ASAH1: variants seen among roughly 807,000 people sequenced by gnomAD.
ASAH1 encodes acid ceramidase.
ASAH1 carries 70 observed loss-of-function variants against 59.5 expected under a neutral mutation model. That is an observed-to-expected ratio of 1.18 (90% confidence interval 0.97 to 1.43). The LOEUF (loss-of-function observed/expected upper bound fraction) is 1.43. Among genes scored for constraint, ASAH1 ranks in the 40% most tolerant of loss-of-function variants. ASAH1 has a pLI of 0.00. For missense variants in ASAH1, 660 were observed against 482.5 expected, an observed-to-expected ratio of 1.37 and a Z score of -3.45; for synonymous variants, 213 against 166.5, an observed-to-expected ratio of 1.28 and a Z score of -2.15.
chr8:18,084,627 T>G (rs369006151), upstream of ASAH1: 1 of 1,609,382 alleles, frequency 6.2e-7, no homozygotes, highest in Non-Finnish European at 8.5e-7. Flanking sequence ...GGCCGAGGAG[T>G]GAGAGAGAAT....
intron 6 of ASAH1, 37 bp from the exon 7 acceptor site, chr8:18,063,267 G>GTTAAGATTCTAAATCAAAGCTGGACAA (rs1337758094): frequency 6.5e-7 from 1 of 1,534,908 alleles, no homozygotes; most frequent in Admixed American, 1.7e-5. Context: ...TGTAATAGCA[G>GTTAAGATTCTAAATCAAAGCTGGACAA]TTAAGATTCT....
intron 2 of ASAH1, among the ~76,000 whole-genome samples, chr8:18,073,448 C>G (rs1800258503): frequency 6.6e-6 from 1 of 152,208 alleles, no homozygotes; most frequent in East Asian, 1.9e-4. Flanking sequence ...GCAACATCAC[C>G]TGAACCCACA....
upstream of ASAH1, chr8:18,084,194 G>A (rs1800792686): frequency 1.3e-6 from 2 of 1,528,596 alleles, no homozygotes; most frequent in Non-Finnish European, 8.7e-7. Context: ...TAGGGGGAAC[G>A]CTCGGAGGAG....
intron 1 of ASAH1, 140 bp downstream of exon 1, chr8:18,083,841 G>A: frequency 2.0e-6 from 3 of 1,499,606 alleles, no homozygotes; most frequent in Non-Finnish European, 2.7e-6. Context: ...CCACACCCCT[G>A]TGCACGAAAC....
Position 18,064,437 on chromosome 8 carries a change from C to CGGCGGG in ASAH1, c.457+19_457+20insCCCGCC. ...TATGTAGTGCTTCATGCTGCCCACC[C>CGGCGGG]TCCCTCAGCGCACAATTACCTTTTT... On this transcript the variant is annotated intron_variant, in intron 6 of 13. Transcript: ENST00000637790. 6.8e-7 allele frequency: 1 copy of CGGCGGG among 1,470,588 alleles called. No individual in the cohort carries two copies. Among genetic ancestry groups the CGGCGGG allele is most frequent in the Non-Finnish European group, 9.5e-7 (1 of 1,052,306 alleles). 91.1% of individuals were successfully genotyped at this position (1,470,588 alleles called of 1,614,324 possible).
chr8:18,062,059 G>A lies in ASAH1; in HGVS notation c.648+220C>T, dbSNP rs73666814. 3,434 of 653,170 alleles carry A rather than the reference G, an allele frequency of 5.3e-3. 84 individuals are homozygous for A. In the African/African-American group the frequency reaches 0.054, roughly 10 times the overall value. 40.5% of individuals were successfully genotyped at this position (653,170 alleles called of 1,614,324 possible). A position where few individuals can be genotyped will look rare whatever the true frequency, so the allele number is the denominator to read the frequency against. On this transcript the variant is annotated intron_variant, in intron 8 of 13. Coordinates refer to ENST00000637790, the MANE Select transcript of ASAH1 (RefSeq NM_177924.5). The stretch of plus-strand genomic sequence containing the variant: ...TGTGACTCCCAGCCCTTGACACCCA[G>A]CCACATGCTCTTTATCCCAGAAGAG...
intron 4 of ASAH1, among the ~76,000 whole-genome samples, chr8:18,069,140 CAAAA>C (rs34419879): frequency 0.082 from 7,363 of 90,010 alleles, 215 homozygotes; most frequent in Admixed American, 0.13. Flanking sequence ...GATGAGGTCT[CAAAA>C]AAAAAAAAAA....
At chr8:18,057,673 T>C in intron 13 of ASAH1, 50 bp from the exon 14 acceptor site, 2 of 1,279,230 alleles carry the variant, frequency 1.6e-6, no homozygotes, top group Non-Finnish European at 2.2e-6. Context: ...TTCAGAGATG[T>C]TCTGATATAT....
At position 18,061,475 on chromosome 8, in the gene ASAH1, C is replaced by T. The variant is rs368714406; in HGVS notation, c.704-17G>A. The T allele has an allele frequency of 8.1e-6, 13 of 1,600,468 alleles. No homozygotes were observed. The African/African-American group carries it at 1.3e-4, about 16-fold the overall frequency. On this transcript the variant is annotated splice_polypyrimidine_tract_variant and intron_variant, in intron 9 of 13. Coordinates refer to ENST00000637790, the MANE Select transcript of ASAH1 (RefSeq NM_177924.5). ...CTAGAATACCTGGAAGAGATGAACA[C>T]AATGTCAGGAACCGGAAGAGGTGAC...
intron 9 of ASAH1, 42 bp from the exon 10 acceptor site, chr8:18,061,500 C>T: frequency 6.5e-7 from 1 of 1,543,364 alleles, no homozygotes; most frequent in Non-Finnish European, 9.0e-7. Flanking sequence ...GAAGAGGTGA[C>T]ACTATGTAAC....
chr8:18,084,559 C>G (rs571527083), upstream of ASAH1: 831 of 1,526,552 alleles, frequency 5.4e-4, 7 homozygotes, highest in African/African-American at 0.01. Context: ...AAAAGCGGCC[C>G]GAAATGAGTT....
At chr8:18,057,712 C>T (rs1397163665) in intron 13 of ASAH1, 89 bp from the exon 14 acceptor site, 1 of 824,032 alleles carries the variant, frequency 1.2e-6, no homozygotes, top group Non-Finnish European at 1.8e-6. Flanking sequence ...GTAGAATTTG[C>T]TTTAGAAGTT....
intron 2 of ASAH1, chr8:18,073,335 G>C (rs1203481334): frequency 7.0e-7 from 1 of 1,435,562 alleles, no homozygotes; most frequent in East Asian, 2.3e-5. Context: ...TCAATCAACA[G>C]TAGTCATCAC....
At chr8:18,074,986 G>C (rs201745544) in intron 2 of ASAH1, among the ~76,000 whole-genome samples, 1 of 151,734 alleles carries the variant, frequency 6.6e-6, no homozygotes, top group East Asian at 1.9e-4. Flanking sequence ...ATTGAGTGGA[G>C]AATGAAAATC....
rs751112744 is a variant in ASAH1 at position 18,067,245 on chromosome 8, A to C, written c.357T>G (p.Ile119Met). 1.3e-6 allele frequency: 2 copies of C among 1,596,662 alleles called. No individual in the cohort carries two copies. The highest frequency in any genetic ancestry group is 1.7e-6 in the Non-Finnish European group (2 of 1,169,424). ...PGPFEEEMKG[I>M]AAVTDIPLGE... Reference sequence around the variant, plus strand: ...CTAAAGGTATATCAGTAACAGCGGCAATACCCTTCATTTCCTCTTCAAAAG... The same window carrying C: ...CTAAAGGTATATCAGTAACAGCGGCCATACCCTTCATTTCCTCTTCAAAAG... The change falls in exon 5 of 14, where the codon ATT (isoleucine) becomes ATG (methionine). Residue 119 changes from isoleucine to methionine, a missense_variant. Coordinates refer to ENST00000637790, the MANE Select transcript of ASAH1 (RefSeq NM_177924.5).
In ASAH1 at chr8:18,065,390, C is replaced by G. The variant is rs1430768056; in HGVS notation, c.383-859G>C. The G allele has an allele frequency of 4.6e-5, 7 of 152,080 alleles. No individual in the cohort carries two copies. In the East Asian group the frequency reaches 1.4e-3, roughly 29 times the overall value. 9.4% of individuals were successfully genotyped at this position (152,080 alleles called of 1,614,324 possible). ...CTTTTAAATGAGTTTTTTAAAGAAG[C>G]AGCACACAAAACTAGCCACTTTTGT... On this transcript the variant is annotated intron_variant, in intron 5 of 13. Transcript: ENST00000637790.
At position 18,063,389 on chromosome 8, in the gene ASAH1, T is replaced by C; in HGVS notation, c.458-159A>G. The C allele has an allele frequency of 4.4e-6, 3 of 688,072 alleles. No homozygotes were observed. In the South Asian group the frequency reaches 4.8e-5, roughly 11 times the overall value. 42.6% of individuals were successfully genotyped at this position (688,072 alleles called of 1,614,324 possible). On this transcript the variant is annotated intron_variant, in intron 6 of 13. Transcript: ENST00000637790. The stretch of plus-strand genomic sequence containing the variant: ...TGCGATCTCAGCTCACTGCGACCTC[T>C]GCCTCCCAGGTTCAAGCAATTCTTG...
At chr8:18,065,830 C>T (rs4377998) in intron 5 of ASAH1, 85,062 of 151,422 alleles carry the variant, frequency 0.56, 24,631 homozygotes, top group African/African-American at 0.7. Context: ...AACTTAATTC[C>T]CCAAACAAAA....
intron 10 of ASAH1, chr8:18,060,165 T>A (rs1356333688): frequency 6.0e-6 from 1 of 168,062 alleles, no homozygotes; most frequent in Non-Finnish European, 1.3e-5. Context: ...ATTTATTTAT[T>A]TCTATTTTTA....
Sources: allele counts gnomAD v4.1 joint callset (sites outside exome capture counted in the v4.1 genomes callset), GRCh38; gene constraint gnomAD v4.1.1; transcripts MANE v1.5; gene names NCBI Gene and HGNC (gene_info 2026-07-23, HGNC 2026-07-21).